RAB27A: variants seen among roughly 807,000 people sequenced by gnomAD.
RAB27A encodes ras-related protein Rab-27A.
A neutral mutation model predicts 20.8 loss-of-function variants in RAB27A; 17 were observed. That is an observed-to-expected ratio of 0.82 (90% CI 0.56 to 1.23). RAB27A has a LOEUF of 1.23. Ranked by LOEUF, RAB27A falls within the 50% of genes most tolerant of loss-of-function variation. The pLI is 0.00. For synonymous variants in RAB27A, 85 were observed against 92.8 expected, an observed-to-expected ratio of 0.92 and a Z score of 0.48; for missense variants, 277 against 266.7, an observed-to-expected ratio of 1.04 and a Z score of -0.27.
intron 2 of RAB27A, among the ~76,000 whole-genome samples, chr15:55,309,918 G>C (rs866529816): frequency 1.3e-5 from 2 of 152,004 alleles, no homozygotes; most frequent in Non-Finnish European, 2.9e-5. Context: ...TCGGGTCTAA[G>C]GGGGTACTGC....
At chr15:55,217,805 C>T (rs1324220122) in intron 6 of RAB27A, among the ~76,000 whole-genome samples, 1 of 150,766 alleles carries the variant, frequency 6.6e-6, no homozygotes, top group Non-Finnish European at 1.5e-5. Context: ...TTGCCAAAGA[C>T]GAAAAAATTC....
chr15:55,299,456 T>C (rs1186914538), intron 2 of RAB27A, among the ~76,000 whole-genome samples: 1 of 152,090 alleles, frequency 6.6e-6, no homozygotes, highest in Non-Finnish European at 1.5e-5. Context: ...TAGCCGGGCA[T>C]TGTGGCTCAC....
chr15:55,221,109 AG>A (rs1895548662), intron 6 of RAB27A, among the ~76,000 whole-genome samples: 4 of 152,174 alleles, frequency 2.6e-5, no homozygotes, highest in Admixed American at 2.6e-4. Flanking sequence ...AGGCAGGGTT[AG>A]GCTCTGTGAA....
At chr15:55,218,733 G>C (rs970629419) in intron 6 of RAB27A, among the ~76,000 whole-genome samples, 9 of 149,430 alleles carry the variant, frequency 6.0e-5, no homozygotes, top group Non-Finnish European at 1.2e-4. Flanking sequence ...GTCATTCTTA[G>C]TTCACATTCT....
intron 1 of RAB27A, among the ~76,000 whole-genome samples, chr15:55,275,819 C>A (rs1304839115): frequency 7.0e-6 from 1 of 142,570 alleles, no homozygotes; most frequent in African/African-American, 2.6e-5. Context: ...AAATGGTCAA[C>A]AAGTATATGA....
intron 2 of RAB27A, among the ~76,000 whole-genome samples, chr15:55,253,728 A>C (rs751199026): frequency 1.3e-5 from 2 of 151,190 alleles, no homozygotes; most frequent in Non-Finnish European, 2.9e-5. Context: ...AGAAAGAACA[A>C]GAGCCTTGTT....
At chr15:55,265,000 T>G (rs1396631845) in intron 2 of RAB27A, among the ~76,000 whole-genome samples, 1 of 152,146 alleles carries the variant, frequency 6.6e-6, no homozygotes, top group South Asian at 2.1e-4. Context: ...CCTAGCACTT[T>G]GGGAGGCCGA....
chr15:55,238,781 C>T (rs1228064217), intron 2 of RAB27A, among the ~76,000 whole-genome samples: 1 of 152,166 alleles, frequency 6.6e-6, no homozygotes, highest in East Asian at 1.9e-4. Flanking sequence ...TCCTTTTTGG[C>T]TGGTTCTAAC....
intron 2 of RAB27A, among the ~76,000 whole-genome samples, chr15:55,248,760 A>T (rs1896781260): frequency 6.6e-6 from 1 of 152,198 alleles, no homozygotes; most frequent in Non-Finnish European, 1.5e-5. Context: ...TTTTAATACC[A>T]CTAAATCAAT....
chr15:55,302,412 C>T (rs553214888), intron 2 of RAB27A, among the ~76,000 whole-genome samples: 251 of 152,178 alleles, frequency 1.6e-3, no homozygotes, highest in Middle Eastern at 6.8e-3. Context: ...GTGGCATGAT[C>T]TCGGCTCACT....
chr15:55,311,448 C>T (rs2141146547), intron 2 of RAB27A, among the ~76,000 whole-genome samples: 1 of 151,900 alleles, frequency 6.6e-6, no homozygotes. Flanking sequence ...TGTCTATCTC[C>T]TTTTGGACAG....
chr15:55,282,544 AG>A (rs1431936304), intron 1 of RAB27A, among the ~76,000 whole-genome samples: 1 of 152,188 alleles, frequency 6.6e-6, no homozygotes, highest in African/African-American at 2.4e-5. Context: ...GTGTTAATAA[AG>A]AAACTGTCCA....
At chr15:55,220,592 T>C (rs1895525558) in intron 6 of RAB27A, among the ~76,000 whole-genome samples, 1 of 152,142 alleles carries the variant, frequency 6.6e-6, no homozygotes, top group Admixed American at 6.6e-5. Flanking sequence ...TTTTTATGAA[T>C]TGAGAATAGA....
chr15:55,296,503 CAAAAACAA>C (rs1566939454), intron 2 of RAB27A, among the ~76,000 whole-genome samples: 1 of 151,280 alleles, frequency 6.6e-6, no homozygotes, highest in Non-Finnish European at 1.5e-5. Flanking sequence ...GACTCCATCT[CAAAAACAA>C]AAAAACAAAG....
Position 55,210,087 on chromosome 15 carries a change from CAT to C in RAB27A, c.468-4384_468-4383del, listed in dbSNP as rs201215413. 7.0e-3 allele frequency among the ~76,000 whole-genome samples: 900 copies of C among 129,102 alleles called. 3 individuals are homozygous for C. The highest frequency in any genetic ancestry group is 0.012 in the East Asian group (52 of 4,448). 84.7% of individuals were successfully genotyped at this position (129,102 alleles called of 152,430 possible). A position where few individuals can be genotyped will look rare whatever the true frequency, so the allele number is the denominator to read the frequency against. On this transcript the variant is annotated intron_variant, in intron 6 of 6. Coordinates refer to ENST00000336787, the MANE Select transcript of RAB27A (RefSeq NM_183235.3). ...GTGTGTGTACATATACATATATACA[CAT>C]ATATGTGTGTATATATACACACATA...
chr15:55,223,814 C>G lies in RAB27A; in HGVS notation c.467+75G>C, dbSNP rs1289062600. 3 of 1,568,840 alleles carry G rather than the reference C, an allele frequency of 1.9e-6. No individual in the cohort carries two copies. In the Admixed American group the frequency reaches 5.0e-5, roughly 26 times the overall value. ...TTTTGCTTTAATTGTCCACTTTTAT[C>G]TTTTTCATTACCATTCACCTGCTAA... On this transcript the variant is annotated intron_variant, in intron 6 of 6. Transcript: ENST00000336787.
chr15:55,305,900 G>A lies in RAB27A; in HGVS notation c.-112+8139C>T, dbSNP rs189269075. On this transcript the variant is annotated intron_variant, in intron 2 of 5. Transcript: ENST00000563262. ...CCAGTGCCAGTACCTATTCCGCCTA[G>A]CACTCCTGCTCCAATAACAAAAGGA... is the stretch of plus-strand genomic sequence containing the variant. 2.6e-5 allele frequency among the ~76,000 whole-genome samples: 4 copies of A among 152,236 alleles called. No homozygotes were observed. In the East Asian group the frequency reaches 7.7e-4, roughly 29 times the overall value.
intron 2 of RAB27A, among the ~76,000 whole-genome samples, chr15:55,298,694 T>C (rs1017113387): frequency 6.6e-6 from 1 of 152,150 alleles, no homozygotes; most frequent in African/African-American, 2.4e-5. Context: ...GGGAGCGCTA[T>C]GGGAGACTGG....
At chr15:55,230,125 T>C (rs1246769560) in intron 4 of RAB27A, among the ~76,000 whole-genome samples, 1 of 151,570 alleles carries the variant, frequency 6.6e-6, no homozygotes. Flanking sequence ...GTTGAGTAAA[T>C]AGCAAAAGGA....
Sources: gnomAD v4.1 joint callset for allele counts (sites outside exome capture counted in the v4.1 genomes callset) on GRCh38, gnomAD v4.1.1 for gene constraint, MANE v1.5 for transcripts, NCBI Gene and HGNC (gene_info 2026-07-23, HGNC 2026-07-21) for gene names.